NFIB: variants seen among roughly 807,000 people sequenced by gnomAD.
NFIB encodes nuclear factor 1 B-type.
A neutral mutation model predicts 61.5 loss-of-function variants in NFIB; 11 were observed. The observed-to-expected ratio is 0.18, with a 90% CI of 0.11 to 0.30. The LOEUF is 0.30. Among genes scored for constraint, NFIB ranks in the 10% least tolerant of loss-of-function variants. NFIB has a pLI of 1.00. For synonymous variants in NFIB, 260 were observed against 216.5 expected (o/e 1.20, Z -1.76); for missense variants, 471 against 608.9 (o/e 0.77, Z 2.38).
chr9:14,171,270 T>G (rs960009985), intron 3 of NFIB, among the ~76,000 whole-genome samples: 2 of 152,206 alleles, frequency 1.3e-5, no homozygotes, highest in South Asian at 2.1e-4. Flanking sequence ...TTTCCCCTTC[T>G]TCCATGTGAA....
intron 2 of NFIB, among the ~76,000 whole-genome samples, chr9:14,291,802 TAA>T (rs202179375): frequency 3.4e-5 from 5 of 146,484 alleles, no homozygotes; most frequent in Non-Finnish European, 3.0e-5. Flanking sequence ...GACTTTCAGT[TAA>T]AAAAAAAAAA....
In NFIB at chr9:14,307,695, A is replaced by G. The variant is rs564461273; in HGVS notation, c.31-175T>C. On this transcript the variant is annotated intron_variant, in intron 1 of 10. Coordinates refer to ENST00000380953, the MANE Select transcript of NFIB (RefSeq NM_001190737.2). This position sits in a 1 kb window ranked among gnomAD's most constrained non-coding sequence, Gnocchi z 5.3. ...CAAAATAACAGGACAAGAAGAAAGT[A>G]AAGTATGCCCAGCTGTCCCCTTTCC... is the stretch of plus-strand genomic sequence containing the variant. Among the ~76,000 whole-genome samples, 3 of 152,314 alleles carry G rather than the reference A, an allele frequency of 2.0e-5. No homozygotes were observed. Among genetic ancestry groups the G allele is most frequent in the African/African-American group, 7.2e-5 (3 of 41,570 alleles).
chr9:14,316,406 T>G (rs1255647575), upstream of NFIB, among the ~76,000 whole-genome samples: 3 of 151,992 alleles, frequency 2.0e-5, no homozygotes, highest in Non-Finnish European at 4.4e-5. Context: ...ACAGGTAAAG[T>G]CGGGGAGATC....
chr9:14,482,676 T>C, the NFIB span, among the ~76,000 whole-genome samples: 1 of 152,232 alleles, frequency 6.6e-6, no homozygotes, highest in African/African-American at 2.4e-5. Context: ...TTTATATCAA[T>C]ATTTAAATAT....
chr9:14,325,122 T>G (rs1231263769), intron 1 of NFIB, among the ~76,000 whole-genome samples: 1 of 152,070 alleles, frequency 6.6e-6, no homozygotes, highest in African/African-American at 2.4e-5. Flanking sequence ...GTTGAAAGCC[T>G]TTCTAAGAAT....
intron 1 of NFIB, chr9:14,321,907 A>G: frequency 8.1e-7 from 1 of 1,231,732 alleles, no homozygotes; most frequent in Non-Finnish European, 1.0e-6. Flanking sequence ...GAATAAAAGA[A>G]GCAAACAAAA....
chr9:14,404,316 G>C, the NFIB span, among the ~76,000 whole-genome samples: 2 of 152,154 alleles, frequency 1.3e-5, no homozygotes, highest in African/African-American at 4.8e-5. Context: ...TTTATTGAGT[G>C]ACTACCAAGT....
At chr9:14,341,738 C>T (rs1442328634) in intron 1 of NFIB, among the ~76,000 whole-genome samples, 1 of 152,150 alleles carries the variant, frequency 6.6e-6, no homozygotes, top group Non-Finnish European at 1.5e-5. Context: ...AAGCTGGGGG[C>T]TCATCCATGG....
chr9:14,088,419 T>C (rs1159332181), intron 10 of NFIB, 93 bp from the exon 11 acceptor site: 2 of 1,264,190 alleles, frequency 1.6e-6, no homozygotes, highest in South Asian at 2.3e-5. Context: ...AAATTCCAGA[T>C]GCATCAAATT....
At chr9:14,284,758 G>C (rs1358408430) in intron 2 of NFIB, among the ~76,000 whole-genome samples, 1 of 152,130 alleles carries the variant, frequency 6.6e-6, no homozygotes, top group African/African-American at 2.4e-5. Context: ...TTTATTCTAA[G>C]ACTTCTAAGG....
intron 2 of NFIB, among the ~76,000 whole-genome samples, chr9:14,234,092 G>A (rs1446151792): frequency 6.6e-6 from 1 of 152,132 alleles, no homozygotes; most frequent in Non-Finnish European, 1.5e-5. Context: ...GAAAATCCAG[G>A]ATTGAAGCCT....
chr9:14,225,768 A>G (rs1216051824), intron 2 of NFIB, among the ~76,000 whole-genome samples: 1 of 152,194 alleles, frequency 6.6e-6, no homozygotes, highest in East Asian at 1.9e-4. Context: ...TCTCCAGAAG[A>G]GCCAAAAGAA....
intron 2 of NFIB, among the ~76,000 whole-genome samples, chr9:14,223,861 CG>C (rs1413754051): frequency 6.6e-6 from 1 of 152,128 alleles, no homozygotes; most frequent in Non-Finnish European, 1.5e-5. Flanking sequence ...TCAAGGGCAA[CG>C]GTTTGTTTCC....
At chr9:14,507,170 C>G in the NFIB span, among the ~76,000 whole-genome samples, 1 of 152,194 alleles carries the variant, frequency 6.6e-6, no homozygotes, top group East Asian at 1.9e-4. Flanking sequence ...CACAATTCCA[C>G]ATAATTTTAA....
chr9:14,486,395 A>T, the NFIB span, among the ~76,000 whole-genome samples: 1 of 152,210 alleles, frequency 6.6e-6, no homozygotes, highest in African/African-American at 2.4e-5. Context: ...TTCGTTGTCA[A>T]GGAAATCAAG....
intron 2 of NFIB, among the ~76,000 whole-genome samples, chr9:14,246,783 C>A (rs901149098): frequency 3.9e-5 from 6 of 152,170 alleles, no homozygotes; most frequent in African/African-American, 1.4e-4. Context: ...CCACTAATAT[C>A]ACCCTGCTAT....
chr9:14,168,339 C>T (rs985940927), intron 3 of NFIB, among the ~76,000 whole-genome samples: 7 of 151,944 alleles, frequency 4.6e-5, no homozygotes, highest in Non-Finnish European at 8.8e-5. Context: ...GGAGTAGATG[C>T]GAAAATAGAG....
At chr9:14,197,947 A>C (rs2048632964) in intron 2 of NFIB, among the ~76,000 whole-genome samples, 1 of 152,156 alleles carries the variant, frequency 6.6e-6, no homozygotes, top group Admixed American at 6.5e-5. Context: ...TGAGCTTAGG[A>C]AGAAAGTGCT....
intron 1 of NFIB, among the ~76,000 whole-genome samples, chr9:14,312,236 T>C (rs1354955073): frequency 6.6e-6 from 1 of 152,218 alleles, no homozygotes; most frequent in East Asian, 1.9e-4. Flanking sequence ...AATGCCTCAG[T>C]CCTTTTGAAT....
Sources: allele counts gnomAD v4.1 joint callset (sites outside exome capture counted in the v4.1 genomes callset), GRCh38; gene constraint gnomAD v4.1.1; non-coding constraint Gnocchi (gnomAD v3.1); transcripts MANE v1.5; gene names NCBI Gene and HGNC (gene_info 2026-07-23, HGNC 2026-07-21).